OTUB2: variants seen among roughly 807,000 people sequenced by gnomAD.
The protein encoded by OTUB2 is ubiquitin thioesterase OTUB2.
OTUB2 carries 21 observed loss-of-function variants against 25.1 expected under a neutral mutation model. The ratio of observed to expected loss-of-function variants is 0.84; its 90% confidence interval spans 0.59 to 1.21. OTUB2 has a LOEUF of 1.21. Among genes scored for constraint, OTUB2 ranks in the 50% most tolerant of loss-of-function variants. The pLI, the probability that OTUB2 is intolerant of heterozygous loss-of-function variation, is 0.00. For missense variants in OTUB2, 283 were observed against 298.0 expected (o/e 0.95, Z 0.37); for synonymous variants, 122 against 122.8 (o/e 0.99, Z 0.04).
chr14:94,028,438 C>T lies in OTUB2; in HGVS notation c.3+1898C>T, dbSNP rs78158755. Among the ~76,000 whole-genome samples the T allele has an allele frequency of 4.5e-3, 680 of 152,260 alleles. 7 individuals carry two copies. The highest frequency in any genetic ancestry group is 0.015 in the African/African-American group (627 of 41,534). Reference sequence around the variant, plus strand: ...TCACTGGGCTAAGCTTGAGGAAGGGCGCCCCGTGGAAGACACAAAGACACT... The same window carrying T: ...TCACTGGGCTAAGCTTGAGGAAGGGTGCCCCGTGGAAGACACAAAGACACT... On this transcript the variant is annotated intron_variant, in intron 1 of 5. Transcript: ENST00000203664.
At position 94,041,767 on chromosome 14, in the gene OTUB2, G is replaced by A. The variant is rs547769873; in HGVS notation, c.219-2204G>A. On this transcript the variant is annotated intron_variant, in intron 3 of 5. Transcript: ENST00000203664. ...TTGCAGGCATGACATGCCGCCTGAC[G>A]CTGCCTGGGCCTAGGTAGCCCTGCT... Among the ~76,000 whole-genome samples the A allele has an allele frequency of 1.9e-4, 29 of 152,316 alleles. No individual in the cohort carries two copies. The East Asian group carries it at 1.9e-3, about 10-fold the overall frequency.
At position 94,040,819 on chromosome 14, in the gene OTUB2, T is replaced by C. The variant is rs532138971; in HGVS notation, c.218+1738T>C. Among the ~76,000 whole-genome samples the C allele has an allele frequency of 3.9e-5, 6 of 152,126 alleles. No individual in the cohort carries two copies. In the South Asian group the frequency reaches 1.2e-3, roughly 32 times the overall value. ...AGGTGTCGGATGGTGATAAGTATTG[T>C]GGGAAAAATCAGGCAGGAAGGAGGC... On this transcript the variant is annotated intron_variant, in intron 3 of 5. Transcript: ENST00000203664.
chr14:94,040,315 T>C lies in OTUB2; in HGVS notation c.218+1234T>C, dbSNP rs532273515. Among the ~76,000 whole-genome samples, 185 of 152,316 alleles carry C rather than the reference T, an allele frequency of 1.2e-3. 2 individuals are homozygous for C. The highest frequency in any genetic ancestry group is 4.2e-3 in the African/African-American group (174 of 41,574). ...ATCTCAAGCCATTCCCCTCCCCAACTTTCTCACAGCCCTGTGGGGACCAAC... is the reference window on the plus strand; with the variant it reads ...ATCTCAAGCCATTCCCCTCCCCAACCTTCTCACAGCCCTGTGGGGACCAAC... On this transcript the variant is annotated intron_variant, in intron 3 of 5. Transcript: ENST00000203664.
chr14:94,035,525 G>T (rs556088968), intron 1 of OTUB2, among the ~76,000 whole-genome samples: 1 of 152,032 alleles, frequency 6.6e-6, no homozygotes, highest in Non-Finnish European at 1.5e-5. Flanking sequence ...TCCCAACCTC[G>T]TGATCCACCT....
At chr14:94,040,665 A>G (rs1885143981) in intron 3 of OTUB2, among the ~76,000 whole-genome samples, 1 of 152,174 alleles carries the variant, frequency 6.6e-6, no homozygotes, top group Non-Finnish European at 1.5e-5. Context: ...GTCAGCACAC[A>G]CGGGTGCCAT....
At chr14:94,042,061 CT>C (rs35016754) in intron 3 of OTUB2, among the ~76,000 whole-genome samples, 9,270 of 152,360 alleles carry the variant, frequency 0.061, 320 homozygotes, top group Middle Eastern at 0.18. Context: ...TGCTGCAGGG[CT>C]GGAGCAAGCG....
At chr14:94,043,584 G>GC (rs1052099361) in intron 3 of OTUB2, among the ~76,000 whole-genome samples, 1 of 152,264 alleles carries the variant, frequency 6.6e-6, no homozygotes, top group African/African-American at 2.4e-5. Context: ...TTAACAGCCG[G>GC]CTGTGGGCGT....
rs1309444169 is a variant in OTUB2, at chr14:94,028,846, C to G, written c.3+2306C>G. 2.0e-5 allele frequency among the ~76,000 whole-genome samples: 3 copies of G among 152,184 alleles called. No individual in the cohort carries two copies. In the East Asian group the frequency reaches 5.8e-4, roughly 29 times the overall value. ...GAGGGAGTGGGGGTGTTGGAAGGTT[C>G]TGCAGAGGAGGTCTTTTGAGCTGAG... On this transcript the variant is annotated intron_variant, in intron 1 of 5. Coordinates refer to ENST00000203664, the MANE Select transcript of OTUB2 (RefSeq NM_023112.4).
rs905704993 is a variant in OTUB2, at chr14:94,047,155, G to A, written c.*1233G>A. Reference sequence around the variant, plus strand: ...CTCTCTTCCTCTATAAGAGGAAATGGAAAATGCAGGGTGTGGAATTGCCCT... The same window carrying A: ...CTCTCTTCCTCTATAAGAGGAAATGAAAAATGCAGGGTGTGGAATTGCCCT... On this transcript the variant is annotated 3_prime_UTR_variant, in exon 6 of 6. Transcript: ENST00000203664. 3.9e-5 allele frequency: 6 copies of A among 152,200 alleles called. No homozygotes were observed. The highest frequency in any genetic ancestry group is 1.4e-4 in the African/African-American group (6 of 41,446). The allele number at this position is 152,200 out of a possible 1,614,324, so 9.4% of individuals were successfully genotyped here.
chr14:94,036,227 G>A (rs535979895), intron 1 of OTUB2, among the ~76,000 whole-genome samples: 34 of 152,180 alleles, frequency 2.2e-4, no homozygotes, highest in African/African-American at 7.2e-4. Context: ...CACTGTGGCC[G>A]GTGTGACATG....
intron 5 of OTUB2, 50 bp downstream of exon 5, chr14:94,044,830 C>G: frequency 3.2e-6 from 5 of 1,549,562 alleles, no homozygotes; most frequent in Non-Finnish European, 4.4e-6. Flanking sequence ...TCCTGTGGCC[C>G]TGTCCTGCAG....
chr14:94,031,279 C>A (rs1260264894), intron 1 of OTUB2, among the ~76,000 whole-genome samples: 3 of 151,962 alleles, frequency 2.0e-5, no homozygotes, highest in Non-Finnish European at 4.4e-5. Flanking sequence ...TTGAGCACTG[C>A]ATGCATACAT....
At chr14:94,041,313 G>A (rs570415644) in intron 3 of OTUB2, among the ~76,000 whole-genome samples, 3 of 152,122 alleles carry the variant, frequency 2.0e-5, no homozygotes, top group Non-Finnish European at 2.9e-5. Context: ...TGAAATGTCC[G>A]GGAGCCATAG....
intron 5 of OTUB2, among the ~76,000 whole-genome samples, chr14:94,045,273 CT>C (rs1183940191): frequency 6.6e-6 from 1 of 152,186 alleles, no homozygotes; most frequent in African/African-American, 2.4e-5. Flanking sequence ...GCCTCTGCTT[CT>C]TCCATCGTCT....
rs934754632 is a variant in OTUB2 at position 94,048,262 on chromosome 14, C to G, written c.*2340C>G. On this transcript the variant is annotated 3_prime_UTR_variant, in exon 6 of 6. Coordinates refer to ENST00000203664, the MANE Select transcript of OTUB2 (RefSeq NM_023112.4). ...GAGCCATCTCTCTCCAGACCAAAAG[C>G]TGGAAGGAGAGTTGCTTTGAGAGCT... 2.0e-5 allele frequency: 3 copies of G among 152,190 alleles called. No homozygotes were observed. The highest frequency in any genetic ancestry group is 7.2e-5 in the African/African-American group (3 of 41,440). The allele number at this position is 152,190 out of a possible 1,614,324, so 9.4% of individuals were successfully genotyped here.
At chr14:94,031,072 A>G (rs1251854591) in intron 1 of OTUB2, among the ~76,000 whole-genome samples, 1 of 152,018 alleles carries the variant, frequency 6.6e-6, no homozygotes, top group Non-Finnish European at 1.5e-5. Context: ...CTGCCCCCAA[A>G]TCCATGGCTT....
At position 94,037,162 on chromosome 14, in the gene OTUB2, A is replaced by G. The variant is rs1317565149; in HGVS notation, c.4-218A>G. Among the ~76,000 whole-genome samples, 5 of 152,172 alleles carry G rather than the reference A, an allele frequency of 3.3e-5. No homozygotes were observed. The East Asian group carries it at 9.6e-4, about 29-fold the overall frequency. On this transcript the variant is annotated intron_variant, in intron 1 of 5. Coordinates refer to ENST00000203664, the MANE Select transcript of OTUB2 (RefSeq NM_023112.4). ...GATGAGTTTCCTTATAACCAGGGCTATCTCTTCACGATGGCCCCGACCCTG... is the reference window on the plus strand; with the variant it reads ...GATGAGTTTCCTTATAACCAGGGCTGTCTCTTCACGATGGCCCCGACCCTG...
intron 3 of OTUB2, among the ~76,000 whole-genome samples, chr14:94,040,250 G>A (rs1885136267): frequency 6.6e-6 from 1 of 152,240 alleles, no homozygotes; most frequent in Admixed American, 6.5e-5. Flanking sequence ...TGTTTTGCCA[G>A]TGACAGACTG....
At chr14:94,040,778 A>G (rs1384741841) in intron 3 of OTUB2, among the ~76,000 whole-genome samples, 1 of 152,244 alleles carries the variant, frequency 6.6e-6, no homozygotes, top group Non-Finnish European at 1.5e-5. Context: ...TGCACAGTAC[A>G]TGAGTATCAC....
Sources: gnomAD v4.1 joint callset for allele counts (sites outside exome capture counted in the v4.1 genomes callset) on GRCh38, gnomAD v4.1.1 for gene constraint, MANE v1.5 for transcripts, NCBI Gene and HGNC (gene_info 2026-07-23, HGNC 2026-07-21) for gene names.